Variants in RMND1 observed in about 807,000 individuals in gnomAD.
The protein encoded by RMND1 is required for meiotic nuclear division 1 homolog, also known as required for meiotic nuclear division protein 1 homolog.
In RMND1, 41 loss-of-function variants were observed where a neutral mutation model predicts 54.0. That is an observed-to-expected ratio of 0.76 (90% confidence interval 0.59 to 0.98). The LOEUF (loss-of-function observed/expected upper bound fraction) is 0.98. Among genes scored for constraint, RMND1 ranks in the 50% least tolerant of loss-of-function variants. The probability of loss-of-function intolerance (pLI) is 0.00; values close to 1 mark genes in which losing one functional copy is unlikely to be tolerated. For missense variants in RMND1, 457 were observed against 532.0 expected (o/e 0.86, Z 1.39); for synonymous variants, 183 against 181.7 (o/e 1.01, Z -0.06).
At chr6:151,447,494 G>C (rs1169187245) in intron 1 of RMND1, among the ~76,000 whole-genome samples, 1 of 152,136 alleles carries the variant, frequency 6.6e-6, no homozygotes, top group Non-Finnish European at 1.5e-5. Context: ...AAGCTGCAGA[G>C]ATGTAACTAA....
intron 10 of RMND1, among the ~76,000 whole-genome samples, chr6:151,406,501 A>G (rs1156267027): frequency 6.6e-6 from 1 of 152,026 alleles, no homozygotes; most frequent in Non-Finnish European, 1.5e-5. Flanking sequence ...AGCTGGGACT[A>G]CAGGTGCCCG....
In RMND1 at chr6:151,445,565, A is replaced by G. The variant is rs1417299854; in HGVS notation, c.247T>C (p.Leu83=). 2.1e-5 allele frequency: 34 copies of G among 1,614,214 alleles called. No homozygotes were observed. The highest frequency in any genetic ancestry group is 2.8e-5 in the Non-Finnish European group (33 of 1,180,044). The change falls in exon 2 of 12, where the codon TTA becomes CTA. Residue 83 remains leucine, a synonymous_variant. Coordinates refer to ENST00000444024, the MANE Select transcript of RMND1 (RefSeq NM_017909.4). Reference sequence around the variant, plus strand: ...TCATCTTGGCAACGAGCAGCATTTAATGGAGACAGCATGCTGGTATCTGAC... The same window carrying G: ...TCATCTTGGCAACGAGCAGCATTTAGTGGAGACAGCATGCTGGTATCTGAC... ...KKSDTSMLSP[L]NAARCQDEKA... is the part of the protein sequence containing the mutation.
At chr6:151,406,430 C>T (rs974453050) in intron 10 of RMND1, among the ~76,000 whole-genome samples, 1 of 152,008 alleles carries the variant, frequency 6.6e-6, no homozygotes, top group Non-Finnish European at 1.5e-5. Flanking sequence ...TGGCGGATCT[C>T]GGCTCACTGC....
At position 151,422,618 on chromosome 6, in the gene RMND1, T is replaced by A. The variant is rs778240119; in HGVS notation, c.938-13A>T. On this transcript the variant is annotated splice_polypyrimidine_tract_variant and intron_variant, in intron 7 of 11. Transcript: ENST00000444024. ...ATTGCCAGTTTTACTGGGAAAAAAA[T>A]TAATAATGGAACATTTCTTTATCAT... The A allele has an allele frequency of 7.3e-7, 1 of 1,368,646 alleles. No homozygotes were observed. Among genetic ancestry groups the A allele is most frequent in the Non-Finnish European group, 1.0e-6 (1 of 993,026 alleles). 84.8% of individuals were successfully genotyped at this position (1,368,646 alleles called of 1,614,324 possible). A position where few individuals can be genotyped will look rare whatever the true frequency, so the allele number is the denominator to read the frequency against.
intron 3 of RMND1, 103 bp from the exon 4 acceptor site, chr6:151,433,333 T>C: frequency 1.5e-6 from 1 of 681,000 alleles, no homozygotes; most frequent in Admixed American, 2.8e-5. Flanking sequence ...CATTTCTTTA[T>C]ATACCATGGA....
In RMND1 at chr6:151,445,457, A is replaced by T; in HGVS notation, c.355T>A (p.Phe119Ile). 1 of 1,614,186 alleles carries T rather than the reference A, an allele frequency of 6.2e-7. No homozygotes were observed. The highest frequency in any genetic ancestry group is 8.5e-7 in the Non-Finnish European group (1 of 1,180,028). Reference sequence around the variant, plus strand: ...AAATGCCTCTTTAATATTTTTATAAACCATTTAGAACCCAACAGATTTGGT... The same window carrying T: ...AAATGCCTCTTTAATATTTTTATAATCCATTTAGAACCCAACAGATTTGGT... ...HKPNLLGSKW[F>I]IKILKRHFSS... is the part of the protein sequence containing the mutation. The change falls in exon 2 of 12, where the codon TTT becomes ATT. Residue 119 changes from phenylalanine to isoleucine, a missense_variant. Phe to Ile is a conservative substitution (Grantham distance 21). Transcript: ENST00000444024.
intron 11 of RMND1, 32 bp downstream of exon 11, chr6:151,405,688 A>C: frequency 9.5e-7 from 1 of 1,058,160 alleles, no homozygotes; most frequent in Non-Finnish European, 1.5e-6. Context: ...AAAGATGGTA[A>C]CTGATCATAG....
intron 2 of RMND1, among the ~76,000 whole-genome samples, chr6:151,438,069 C>T (rs1406728967): frequency 2.0e-5 from 3 of 152,152 alleles, no homozygotes; most frequent in African/African-American, 7.2e-5. Flanking sequence ...AAAGTAGGAA[C>T]ACGGGGATAT....
chr6:151,410,302 T>A lies in RMND1; in HGVS notation c.1201-4466A>T, dbSNP rs369311217. 5.0e-3 allele frequency among the ~76,000 whole-genome samples: 754 copies of A among 152,142 alleles called. 3 individuals are homozygous for A. Among genetic ancestry groups the A allele is most frequent in the Non-Finnish European group, 7.5e-3 (509 of 67,974 alleles). ...GATCTCCTGACCTTGTGATCCGCCC[T>A]CCTTGGCCTCCCAAAATGCTGGGAT... is the stretch of plus-strand genomic sequence containing the variant. On this transcript the variant is annotated intron_variant, in intron 10 of 11. Coordinates refer to ENST00000444024, the MANE Select transcript of RMND1 (RefSeq NM_017909.4).
chr6:151,417,079 A>G, intron 10 of RMND1, 200 bp downstream of exon 10: 1 of 464,776 alleles, frequency 2.2e-6, no homozygotes, highest in Non-Finnish European at 3.7e-6. Flanking sequence ...TTATTCACCA[A>G]CCTTATCTAG....
At chr6:151,446,529 C>T (rs1007473449) in intron 1 of RMND1, among the ~76,000 whole-genome samples, 1 of 152,048 alleles carries the variant, frequency 6.6e-6, no homozygotes, top group African/African-American at 2.4e-5. Context: ...CGAGGCATGT[C>T]AGATACACAC....
At chr6:151,425,288 C>G (rs1170550136) in intron 6 of RMND1, among the ~76,000 whole-genome samples, 1 of 152,112 alleles carries the variant, frequency 6.6e-6, no homozygotes, top group Non-Finnish European at 1.5e-5. Context: ...CAGAGCTGAG[C>G]AGATCCCTGG....
rs567890062 is a variant in RMND1, at chr6:151,450,118, A to G, written c.-15+1898T>C. ...CTCTGCCTGGCTGCCCAGTCTGGAA[A>G]GTGAGGAGCGTCTCTGCCCGGCCGC... On this transcript the variant is annotated intron_variant, in intron 1 of 11. Transcript: ENST00000444024. Among the ~76,000 whole-genome samples the G allele has an allele frequency of 3.3e-5, 5 of 151,506 alleles. 1 individual carries two copies. The South Asian group carries it at 8.4e-4, about 26-fold the overall frequency.
chr6:151,417,259 T>C lies in RMND1; in HGVS notation c.1200+20A>G, dbSNP rs1411593730. 1.9e-6 allele frequency: 3 copies of C among 1,595,980 alleles called. No individual in the cohort carries two copies. Among genetic ancestry groups the C allele is most frequent in the Non-Finnish European group, 2.6e-6 (3 of 1,175,244 alleles). On this transcript the variant is annotated intron_variant, in intron 10 of 11. Coordinates refer to ENST00000444024, the MANE Select transcript of RMND1 (RefSeq NM_017909.4). Reference sequence around the variant, plus strand: ...GCGACAACGTGTCTTTTTCTCTCATTAGAAGTGCAAAATACGTACCTTAAC... The same window carrying C: ...GCGACAACGTGTCTTTTTCTCTCATCAGAAGTGCAAAATACGTACCTTAAC...
At chr6:151,437,791 C>T (rs918337020) in intron 2 of RMND1, among the ~76,000 whole-genome samples, 5 of 152,180 alleles carry the variant, frequency 3.3e-5, no homozygotes, top group African/African-American at 1.2e-4. Context: ...GGCCTGACCC[C>T]ATTTGCCCTT....
chr6:151,409,778 G>C (rs1381050707), intron 10 of RMND1, among the ~76,000 whole-genome samples: 2 of 152,154 alleles, frequency 1.3e-5, no homozygotes, highest in Non-Finnish European at 2.9e-5. Context: ...AGGAGAAGGT[G>C]GGATTAGAAG....
chr6:151,433,844 G>GT (rs950439459), intron 3 of RMND1, among the ~76,000 whole-genome samples: 19 of 145,208 alleles, frequency 1.3e-4, no homozygotes, highest in South Asian at 1.1e-3. Flanking sequence ...TTGTTTGTTT[G>GT]TTTTTTTTGA....
At chr6:151,406,956 T>TG (rs1461905069) in intron 10 of RMND1, among the ~76,000 whole-genome samples, 2 of 151,992 alleles carry the variant, frequency 1.3e-5, no homozygotes, top group African/African-American at 4.8e-5. Flanking sequence ...GCTCAGGAGT[T>TG]GGAGACCAGC....
chr6:151,412,916 C>T (rs9383891), intron 10 of RMND1, among the ~76,000 whole-genome samples: 1 of 152,004 alleles, frequency 6.6e-6, no homozygotes, highest in Non-Finnish European at 1.5e-5. Flanking sequence ...GTCACCCCCC[C>T]ACCAGGACCC....
Sources: gnomAD v4.1 joint callset for allele counts (sites outside exome capture counted in the v4.1 genomes callset) on GRCh38, gnomAD v4.1.1 for gene constraint, MANE v1.5 for transcripts, NCBI Gene and HGNC (gene_info 2026-07-23, HGNC 2026-07-21) for gene names.